Variants in IDI1 observed in about 807,000 individuals in gnomAD.
IDI1 encodes isopentenyl-diphosphate Delta-isomerase 1.
A neutral mutation model predicts 32.9 loss-of-function variants in IDI1; 23 were observed. The observed-to-expected ratio is 0.70, with a 90% CI of 0.50 to 0.99. The LOEUF (loss-of-function observed/expected upper bound fraction) is 0.99. Among genes scored for constraint, IDI1 ranks in the 50% least tolerant of loss-of-function variants. The pLI, the probability that IDI1 is intolerant of heterozygous loss-of-function variation, is 0.00. For synonymous variants in IDI1, 133 were observed against 128.2 expected, an observed-to-expected ratio of 1.04 and a Z score of -0.25; for missense variants, 326 against 351.9, an observed-to-expected ratio of 0.93 and a Z score of 0.59.
upstream of IDI1, among the ~76,000 whole-genome samples, chr10:1,050,304 T>C (rs972259179): frequency 6.6e-6 from 1 of 152,236 alleles, no homozygotes. Flanking sequence ...ACAGATCTCT[T>C]TCATGTCTGG....
chr10:1,050,378 G>A (rs1161223437), upstream of IDI1, among the ~76,000 whole-genome samples: 1 of 152,032 alleles, frequency 6.6e-6, no homozygotes, highest in Admixed American at 6.6e-5. Context: ...CTGTCAGTGC[G>A]TTCTTGGGAA....
chr10:1,045,245 T>C (rs1266509802), intron 1 of IDI1, among the ~76,000 whole-genome samples: 1 of 152,274 alleles, frequency 6.6e-6, no homozygotes, highest in Non-Finnish European at 1.5e-5. Flanking sequence ...ACTCACACTT[T>C]TACATATCTG....
At chr10:1,041,855 G>T (rs1287877471) in intron 4 of IDI1, among the ~76,000 whole-genome samples, 1 of 150,426 alleles carries the variant, frequency 6.6e-6, no homozygotes, top group East Asian at 2.0e-4. Flanking sequence ...ACCCAAGCTG[G>T]AGTGCAATGG....
intron 1 of IDI1, among the ~76,000 whole-genome samples, chr10:1,044,731 G>A (rs1177537759): frequency 6.6e-6 from 1 of 152,136 alleles, no homozygotes; most frequent in Non-Finnish European, 1.5e-5. Flanking sequence ...CTCAACCCAA[G>A]CTCCTGGGTT....
intron 2 of IDI1, chr10:1,043,742 A>T (rs1459823355): frequency 1.5e-6 from 1 of 661,012 alleles, no homozygotes; most frequent in Admixed American, 2.1e-5. Flanking sequence ...CTGCTGCTGT[A>T]TGTCAGGGCT....
At chr10:1,048,146 C>T (rs1455982367) in intron 1 of IDI1, 1 of 971,972 alleles carries the variant, frequency 1.0e-6, no homozygotes. Flanking sequence ...AAGGCGTGCA[C>T]CACCGCCCAG....
At chr10:1,055,952 G>A in the IDI1 span, among the ~76,000 whole-genome samples, 1 of 152,102 alleles carries the variant, frequency 6.6e-6, no homozygotes, top group African/African-American at 2.4e-5. Flanking sequence ...GGGGTTACAG[G>A]CGCGCGCCGC....
chr10:1,054,239 A>G, the IDI1 span, among the ~76,000 whole-genome samples: 1 of 152,222 alleles, frequency 6.6e-6, no homozygotes, highest in Non-Finnish European at 1.5e-5. Flanking sequence ...TAAGAAACAT[A>G]TGATACCTGT....
intron 1 of IDI1, among the ~76,000 whole-genome samples, chr10:1,044,530 C>T (rs187560385): frequency 2.0e-4 from 30 of 152,302 alleles, no homozygotes; most frequent in Non-Finnish European, 1.5e-5. Context: ...TTTTCTACAC[C>T]AGCTTCTGTA....
chr10:1,048,863 C>T lies in IDI1; in HGVS notation c.140+1G>A, dbSNP rs1331317313. The T allele has an allele frequency of 6.2e-7, 1 of 1,606,512 alleles. No individual in the cohort carries two copies. Among genetic ancestry groups the T allele is most frequent in the Non-Finnish European group, 8.5e-7 (1 of 1,177,394 alleles). ...CGAACTCCGCCGCCCGTCCACAGTA[C>T]CTGATCAGCCTCCGGCCACAGACAA... On this transcript the variant is annotated splice_donor_variant, in intron 1 of 4. Transcript: ENST00000381344. LOFTEE classifies it high-confidence loss of function.
the IDI1 span, among the ~76,000 whole-genome samples, chr10:1,055,677 G>A: frequency 1.3e-5 from 2 of 150,586 alleles, no homozygotes; most frequent in African/African-American, 4.9e-5. Flanking sequence ...TAGTGATAAA[G>A]TTTTATTAAT....
chr10:1,049,159 C>G (rs541304933), upstream of IDI1: 1 of 1,221,278 alleles, frequency 8.2e-7, no homozygotes, highest in East Asian at 3.1e-5. Context: ...AGGGGGTCAA[C>G]ACGCCCCACC....
chr10:1,045,773 A>G (rs980417140), intron 1 of IDI1, among the ~76,000 whole-genome samples: 6 of 152,212 alleles, frequency 3.9e-5, no homozygotes, highest in African/African-American at 1.4e-4. Flanking sequence ...GGACCACTGA[A>G]ATACTTTCAA....
chr10:1,048,830 C>A lies in IDI1; in HGVS notation c.140+34G>T, dbSNP rs529269124. On this transcript the variant is annotated intron_variant, in intron 1 of 4. Transcript: ENST00000381344. ...GCAGCTCCCCGATGCCGCCCTGCCC[C>A]TGTCTCCCGAACTCCGCCGCCCGTC... 1.6e-4 allele frequency: 249 copies of A among 1,599,524 alleles called. 2 individuals carry two copies. The South Asian group carries it at 2.2e-3, about 14-fold the overall frequency.
At chr10:1,055,850 C>G in the IDI1 span, among the ~76,000 whole-genome samples, 2 of 152,088 alleles carry the variant, frequency 1.3e-5, no homozygotes, top group Admixed American at 6.6e-5. Context: ...TCGCTCTGTC[C>G]CAGGCTGGAG....
chr10:1,048,832 G>T (rs762507346), intron 1 of IDI1, 32 bp downstream of exon 1: 2 of 1,599,026 alleles, frequency 1.3e-6, no homozygotes, highest in Non-Finnish European at 1.7e-6. Context: ...CCCTGCCCCT[G>T]TCTCCCGAAC....
At chr10:1,043,741 T>A in intron 2 of IDI1, 1 of 660,792 alleles carries the variant, frequency 1.5e-6, no homozygotes, top group East Asian at 3.0e-5. Flanking sequence ...GCTGCTGCTG[T>A]ATGTCAGGGC....
At position 1,039,970 on chromosome 10, in the gene IDI1, T is replaced by C. The variant is rs1832504628; in HGVS notation, c.*1217A>G. The C allele has an allele frequency of 6.6e-6, 1 of 152,238 alleles. No homozygotes were observed. Among genetic ancestry groups the C allele is most frequent in the African/African-American group, 2.4e-5 (1 of 41,468 alleles). 9.4% of individuals were successfully genotyped at this position (152,238 alleles called of 1,614,324 possible). ...TGCTAAACAGTCTTGTCTGAAATTA[T>C]AAATTGCCCAAAGTTAACCATAAAT... On this transcript the variant is annotated 3_prime_UTR_variant, in exon 5 of 5. Coordinates refer to ENST00000381344, the MANE Select transcript of IDI1 (RefSeq NM_004508.4).
At position 1,044,131 on chromosome 10, in the gene IDI1, T is replaced by C. The variant is rs766088534; in HGVS notation, c.181A>G (p.Ile61Val). The change falls in exon 2 of 5, where the codon ATA becomes GTA. Residue 61 changes from isoleucine (I) to valine (V), a missense_variant. Around this residue, in one of 2 missense-constraint regions of IDI1, gnomAD observed 205 missense variants for 273.5 expected, o/e 0.75. Coordinates refer to ENST00000381344, the MANE Select transcript of IDI1 (RefSeq NM_004508.4). Reference protein sequence around the residue: ...QIRHFVMMPEINTNHLDKQQV... With the variant: ...QIRHFVMMPEVNTNHLDKQQV... ...TGCTTGTCGAGGTGGTTAGTGTTTA[T>C]TTCAGGCATCATTACAAAATGTCTG... 1 of 1,613,960 alleles carries C rather than the reference T, an allele frequency of 6.2e-7. No homozygotes were observed. Among genetic ancestry groups the C allele is most frequent in the Admixed American group, 1.7e-5 (1 of 60,028 alleles).
Sources: gnomAD v4.1 joint callset for allele counts (sites outside exome capture counted in the v4.1 genomes callset) on GRCh38, gnomAD v4.1.1 for gene constraint, gnomAD v4.1.1 regional missense constraint, MANE v1.5 for transcripts, NCBI Gene and HGNC (gene_info 2026-07-23, HGNC 2026-07-21) for gene names.